The following PTPRG variants were observed in gnomAD, a reference collection of about 807,000 sequenced individuals.
PTPRG encodes receptor-type tyrosine-protein phosphatase gamma.
A neutral mutation model predicts 165.3 loss-of-function variants in PTPRG; 102 were observed. The ratio of observed to expected loss-of-function variants is 0.62; its 90% CI spans 0.53 to 0.73. The LOEUF is 0.73. Among genes scored for constraint, PTPRG ranks in the 30% least tolerant of loss-of-function variants. The pLI, the probability that PTPRG is intolerant of heterozygous loss-of-function variation, is 0.00. For missense variants in PTPRG, 1,866 were observed against 1,861.4 expected, an observed-to-expected ratio of 1.00 and a Z score of -0.05; for synonymous variants, 675 against 669.5, an observed-to-expected ratio of 1.01 and a Z score of -0.13.
intron 3 of PTPRG, among the ~76,000 whole-genome samples, chr3:61,995,671 C>A (rs1007896440): frequency 1.8e-5 from 2 of 113,366 alleles, no homozygotes; most frequent in Non-Finnish European, 1.9e-5. Flanking sequence ...TTTCCGCCTG[C>A]CTGCCCGCCC....
chr3:61,644,828 G>C (rs1393608794), intron 1 of PTPRG, among the ~76,000 whole-genome samples: 1 of 152,156 alleles, frequency 6.6e-6, no homozygotes, highest in Non-Finnish European at 1.5e-5. Context: ...TAGATTGCTG[G>C]AACTTTGTGC....
chr3:62,201,592 T>C (rs1034293853), intron 11 of PTPRG, 38 bp downstream of exon 11: 1 of 1,598,082 alleles, frequency 6.3e-7, no homozygotes, highest in Admixed American at 1.7e-5. Flanking sequence ...TCGTGGCTGG[T>C]TGTTAATTTG....
intron 1 of PTPRG, among the ~76,000 whole-genome samples, chr3:61,686,828 G>A (rs1423360923): frequency 2.6e-5 from 4 of 152,118 alleles, no homozygotes; most frequent in Non-Finnish European, 5.9e-5. Flanking sequence ...GCGTACAACG[G>A]TATTTAGTTA....
At chr3:61,667,973 T>C (rs1214382340) in intron 1 of PTPRG, among the ~76,000 whole-genome samples, 1 of 152,038 alleles carries the variant, frequency 6.6e-6, no homozygotes, top group Admixed American at 6.6e-5. Context: ...GGGAAAAAAG[T>C]TTTATTGGAA....
chr3:62,292,397 G>GTATCT (rs777665643), intron 28 of PTPRG, 24 bp from the exon 29 acceptor site: 2 of 1,599,708 alleles, frequency 1.3e-6, no homozygotes, highest in Non-Finnish European at 1.7e-6. Flanking sequence ...ATCTGAAATC[G>GTATCT]TATCTTTTTT....
At chr3:62,265,896 T>TATACACACACACACACACACACAC (rs1553662684) in intron 17 of PTPRG, among the ~76,000 whole-genome samples, 2,495 of 130,508 alleles carry the variant, frequency 0.019, 29 homozygotes, top group Non-Finnish European at 0.022. Flanking sequence ...GTGCCTTATA[T>TATACACACACACACACACACACAC]ACACACACAC....
At chr3:62,291,580 CAT>C (rs949102312) in intron 28 of PTPRG, among the ~76,000 whole-genome samples, 10 of 152,068 alleles carry the variant, frequency 6.6e-5, no homozygotes, top group African/African-American at 1.9e-4. Flanking sequence ...AGATATAAAA[CAT>C]GTAATATTTT....
chr3:62,140,851 C>CAA (rs58630476), intron 6 of PTPRG, among the ~76,000 whole-genome samples: 643 of 68,418 alleles, frequency 9.4e-3, no homozygotes, highest in Non-Finnish European at 0.012. Flanking sequence ...GACTCGGTCT[C>CAA]AAAAAAAAAA....
At chr3:61,858,651 C>T (rs1034282082) in intron 2 of PTPRG, among the ~76,000 whole-genome samples, 83 of 152,148 alleles carry the variant, frequency 5.5e-4, no homozygotes, top group Admixed American at 4.6e-4. Context: ...TCTATTAGTA[C>T]TTAAGAAACA....
intron 1 of PTPRG, among the ~76,000 whole-genome samples, chr3:61,736,324 A>G (rs1309577276): frequency 6.6e-6 from 1 of 150,768 alleles, no homozygotes; most frequent in Non-Finnish European, 1.5e-5. Flanking sequence ...TTTTTCTTGT[A>G]TGATTATCAA....
At chr3:62,285,176 T>TG (rs1321079019) in intron 28 of PTPRG, among the ~76,000 whole-genome samples, 5 of 152,164 alleles carry the variant, frequency 3.3e-5, no homozygotes, top group Admixed American at 1.3e-4. Context: ...ACCCAATGCC[T>TG]GGGACAGCGT....
chr3:61,812,124 A>G (rs1244845634), intron 2 of PTPRG, among the ~76,000 whole-genome samples: 1 of 152,154 alleles, frequency 6.6e-6, no homozygotes, highest in African/African-American at 2.4e-5. Flanking sequence ...GGATGAAGAG[A>G]TGCTTGTACC....
intron 2 of PTPRG, among the ~76,000 whole-genome samples, chr3:61,751,230 G>A (rs1272955888): frequency 6.6e-6 from 1 of 152,182 alleles, no homozygotes; most frequent in Non-Finnish European, 1.5e-5. Flanking sequence ...ACAAGGCCAG[G>A]AAGAAGTAAG....
At chr3:61,974,410 G>A (rs1030573424) in intron 2 of PTPRG, among the ~76,000 whole-genome samples, 5 of 151,762 alleles carry the variant, frequency 3.3e-5, no homozygotes, top group Admixed American at 6.6e-5. Flanking sequence ...AAAATCAGCC[G>A]GGCATTATGG....
chr3:62,136,718 AG>A (rs2106938566), intron 6 of PTPRG, among the ~76,000 whole-genome samples: 1 of 152,286 alleles, frequency 6.6e-6, no homozygotes, highest in East Asian at 1.9e-4. Context: ...AGTTTTAAAA[AG>A]GGGAGTTTCC....
At chr3:62,260,489 T>C (rs566548061) in intron 16 of PTPRG, among the ~76,000 whole-genome samples, 3 of 152,326 alleles carry the variant, frequency 2.0e-5, no homozygotes, top group Admixed American at 2.0e-4. Context: ...CTTCGATTTT[T>C]TGCTTTATTT....
intron 2 of PTPRG, chr3:61,769,343 A>G (rs1324316644): frequency 6.6e-6 from 1 of 152,148 alleles, no homozygotes. Context: ...TGGCCCAGTC[A>G]TAGCCCACTA....
chr3:62,145,605 G>A (rs1206012968), intron 6 of PTPRG, among the ~76,000 whole-genome samples: 1 of 152,162 alleles, frequency 6.6e-6, no homozygotes, highest in African/African-American at 2.4e-5. Context: ...TGAGATCAGG[G>A]GAAAGGGTAG....
chr3:61,815,839 A>G (rs879588438), intron 2 of PTPRG, among the ~76,000 whole-genome samples: 2 of 152,224 alleles, frequency 1.3e-5, no homozygotes, highest in Non-Finnish European at 2.9e-5. Context: ...ACAGCAGAAC[A>G]TGTTCCTCAT....
Sources: allele counts gnomAD v4.1 joint callset (sites outside exome capture counted in the v4.1 genomes callset), GRCh38; gene constraint gnomAD v4.1.1; transcripts MANE v1.5; gene names NCBI Gene and HGNC (gene_info 2026-07-23, HGNC 2026-07-21).